MYO9A: variants seen among roughly 807,000 people sequenced by gnomAD.
MYO9A encodes myosin IXA.
A neutral mutation model predicts 293.3 loss-of-function variants in MYO9A; 103 were observed. The observed-to-expected ratio is 0.35, with a 90% CI of 0.30 to 0.41. The LOEUF is 0.41. Ranked by LOEUF, MYO9A falls within the 10% of genes least tolerant of loss-of-function variation. The pLI, the probability that MYO9A is intolerant of heterozygous loss-of-function variation, is 1.00. For missense variants in MYO9A, 2,685 were observed against 3,033.0 expected (o/e 0.89, Z 2.69); for synonymous variants, 1,001 against 1,035.7 (o/e 0.97, Z 0.64).
At chr15:72,117,127 G>A (rs1213640047) in intron 1 of MYO9A, 2 of 152,334 alleles carry the variant, frequency 1.3e-5, no homozygotes, top group Non-Finnish European at 2.9e-5. Flanking sequence ...GCCAAAGTCT[G>A]TGACGGTGTC....
intron 11 of MYO9A, among the ~76,000 whole-genome samples, chr15:71,990,297 C>A (rs1031020509): frequency 6.6e-6 from 1 of 151,880 alleles, no homozygotes; most frequent in Non-Finnish European, 1.5e-5. Context: ...GCTGCCCAGG[C>A]TGGTCTCTAA....
rs146507019 is a variant in MYO9A, at chr15:72,037,850, C to G, written c.841-5262G>C. On this transcript the variant is annotated intron_variant, in intron 2 of 41. Transcript: ENST00000356056. ...GGGCATGGGAAAATGAAAAATAGCA[C>G]TAAACAGCAACCGTTCCTGATAATG... 2.7e-4 allele frequency among the ~76,000 whole-genome samples: 41 copies of G among 151,018 alleles called. 2 individuals are homozygous for G. The East Asian group carries it at 6.0e-3, about 22-fold the overall frequency.
intron 19 of MYO9A, among the ~76,000 whole-genome samples, chr15:71,914,198 T>A (rs1376472459): frequency 6.6e-6 from 1 of 152,174 alleles, no homozygotes; most frequent in Non-Finnish European, 1.5e-5. Flanking sequence ...TTGTTTGGGT[T>A]TCCTCTTCCT....
chr15:71,969,197 A>G (rs1194030812), intron 12 of MYO9A, among the ~76,000 whole-genome samples: 3 of 152,214 alleles, frequency 2.0e-5, no homozygotes, highest in African/African-American at 7.2e-5. Context: ...TCCTCTAGGG[A>G]TTAAACAAAC....
At chr15:71,840,939 T>C (rs567962110) in intron 39 of MYO9A, among the ~76,000 whole-genome samples, 5 of 152,194 alleles carry the variant, frequency 3.3e-5, no homozygotes, top group Non-Finnish European at 5.9e-5. Flanking sequence ...CCTTAAGGCT[T>C]TCTTTGTACA....
chr15:71,966,305 T>TGTGTGTGTGC (rs1311283420), intron 13 of MYO9A, among the ~76,000 whole-genome samples: 3 of 151,034 alleles, frequency 2.0e-5, no homozygotes, highest in Non-Finnish European at 3.0e-5. Context: ...TGTGTGTGTG[T>TGTGTGTGTGC]GTATGATTCT....
intron 2 of MYO9A, among the ~76,000 whole-genome samples, chr15:72,041,926 C>G (rs1213028325): frequency 6.7e-6 from 1 of 149,724 alleles, no homozygotes; most frequent in Non-Finnish European, 1.5e-5. Context: ...AACTCTATAT[C>G]TACTTTTAAA....
intron 39 of MYO9A, among the ~76,000 whole-genome samples, chr15:71,838,394 T>C (rs1236666776): frequency 6.6e-6 from 1 of 152,162 alleles, no homozygotes; most frequent in African/African-American, 2.4e-5. Flanking sequence ...TGTCCAAGAT[T>C]ATATTTTTCC....
chr15:71,903,012 T>C lies in MYO9A; in HGVS notation c.2929A>G (p.Lys977Glu), dbSNP rs141955692. The stretch of plus-strand genomic sequence containing the variant: ...CTGAAGAAATCCTGAATGTTAAATT[T>C]GGATGGAATAATATTTCGGGGAAGA... ...VLLPRNIIPS[K>E]FNIQDFFRKI... Residue 977 changes from lysine (K) to glutamate (E), a missense_variant, in exon 22 of 42, where the codon AAA (lysine) becomes GAA (glutamate). Physicochemically the swap from Lys to Glu is moderately conservative, Grantham distance 56 (BLOSUM62 1). Around this residue, in one of 10 missense-constraint regions of MYO9A, gnomAD observed 1,434 missense variants for 1,497.7 expected, o/e 0.96. Coordinates refer to ENST00000356056, the MANE Select transcript of MYO9A (RefSeq NM_006901.4). 2.5e-6 allele frequency: 4 copies of C among 1,589,074 alleles called. No individual in the cohort carries two copies. The African/African-American group carries it at 5.4e-5, about 21-fold the overall frequency.
At position 71,899,742 on chromosome 15, in the gene MYO9A, T is replaced by C; in HGVS notation, c.3415A>G (p.Arg1139Gly). The C allele has an allele frequency of 6.2e-7, 1 of 1,614,126 alleles. No homozygotes were observed. Among genetic ancestry groups the C allele is most frequent in the South Asian group, 1.1e-5 (1 of 91,086 alleles). The change falls in exon 24 of 42, where the codon AGG becomes GGG. Residue 1139 changes from arginine to glycine, a missense_variant. By Grantham distance (125) the Arg-to-Gly change is moderately radical. This residue lies in a region of MYO9A where 1,434 missense variants were observed against 1,497.7 expected (regional missense o/e 0.96). Coordinates refer to ENST00000356056, the MANE Select transcript of MYO9A (RefSeq NM_006901.4). ...GATTGCAAAAGGATAATTTTTTTCC[T>C]TTGTTCTTGGTACCTTTTACTTTCC... is the stretch of plus-strand genomic sequence containing the variant. ...YRESKRYQEQ[R>G]KKIILLQSTC...
intron 12 of MYO9A, among the ~76,000 whole-genome samples, chr15:71,974,438 C>T (rs2076087429): frequency 6.6e-6 from 1 of 152,110 alleles, no homozygotes; most frequent in African/African-American, 2.4e-5. Context: ...GGGGAAGGTG[C>T]TGGTATGACT....
At chr15:71,956,330 A>ATTATATATATATATATAT (rs1555490831) in intron 14 of MYO9A, among the ~76,000 whole-genome samples, 2 of 75,584 alleles carry the variant, frequency 2.6e-5, no homozygotes, top group Admixed American at 1.7e-4. Context: ...AAAAAAAAAA[A>ATTATATATATATATATAT]ATATATATAT....
chr15:71,984,226 C>G (rs1052801729), intron 11 of MYO9A, among the ~76,000 whole-genome samples: 1 of 152,178 alleles, frequency 6.6e-6, no homozygotes, highest in Non-Finnish European at 1.5e-5. Context: ...CATTTAATGT[C>G]CTGCACATTT....
At chr15:71,945,214 G>A (rs2058882035) in intron 15 of MYO9A, among the ~76,000 whole-genome samples, 1 of 152,156 alleles carries the variant, frequency 6.6e-6, no homozygotes, top group Non-Finnish European at 1.5e-5. Context: ...CAAGGCTGCA[G>A]TCATCTCAAC....
chr15:71,963,722 G>A (rs970415120), intron 13 of MYO9A, among the ~76,000 whole-genome samples: 2 of 152,226 alleles, frequency 1.3e-5, no homozygotes, highest in African/African-American at 4.8e-5. Flanking sequence ...AAAGTGCTGG[G>A]ATTACAGGCG....
intron 1 of MYO9A, among the ~76,000 whole-genome samples, chr15:72,091,495 G>A (rs896271468): frequency 1.3e-5 from 2 of 151,880 alleles, no homozygotes; most frequent in African/African-American, 4.8e-5. Flanking sequence ...AAGCCTAACT[G>A]CTCACACTCC....
intron 33 of MYO9A, among the ~76,000 whole-genome samples, chr15:71,861,915 G>A (rs1324559756): frequency 1.3e-5 from 2 of 152,166 alleles, no homozygotes; most frequent in Non-Finnish European, 2.9e-5. Flanking sequence ...AGGATCATCT[G>A]AGGTCAGGAG....
rs1274595523 is a variant in MYO9A, at chr15:71,828,001, C to T, written c.7066G>A (p.Val2356Ile). The part of the protein sequence containing the change: ...EKEELTFEML[V>I]LEPRASDDET... ...TCATCAGAGGCACGGGGTTCCAGTA[C>T]AAGCATCTCAAATGTTAGCTCCTCC... is the stretch of plus-strand genomic sequence containing the variant. The change falls in exon 41 of 42, where the codon GTA becomes ATA. Residue 2356 changes from valine to isoleucine, a missense_variant. Transcript: ENST00000356056. 2 of 1,613,620 alleles carry T rather than the reference C, an allele frequency of 1.2e-6. No homozygotes were observed. Among genetic ancestry groups the T allele is most frequent in the East Asian group, 4.5e-5 (2 of 44,864 alleles).
At chr15:72,023,383 G>T (rs1243993886) in intron 4 of MYO9A, among the ~76,000 whole-genome samples, 1 of 152,144 alleles carries the variant, frequency 6.6e-6, no homozygotes, top group Admixed American at 6.5e-5. Flanking sequence ...CACTTTGGGA[G>T]GTGGAGGTGG....
Sources: gnomAD v4.1 joint callset for allele counts (sites outside exome capture counted in the v4.1 genomes callset) on GRCh38, gnomAD v4.1.1 for gene constraint, gnomAD v4.1.1 regional missense constraint, MANE v1.5 for transcripts, NCBI Gene and HGNC (gene_info 2026-07-23, HGNC 2026-07-21) for gene names.